The following ZIC4 variants were observed in gnomAD, a reference collection of about 807,000 sequenced individuals.
The protein encoded by ZIC4 is zinc finger protein ZIC 4.
ZIC4 carries 15 observed loss-of-function variants against 28.8 expected under a neutral mutation model. The ratio of observed to expected loss-of-function variants is 0.52; its 90% CI spans 0.35 to 0.80. The LOEUF (loss-of-function observed/expected upper bound fraction) is 0.80. Among genes scored for constraint, ZIC4 ranks in the 30% least tolerant of loss-of-function variants. The pLI, the probability that ZIC4 is intolerant of heterozygous loss-of-function variation, is 0.01. For synonymous variants in ZIC4, 220 were observed against 198.1 expected (o/e 1.11, Z -0.93); for missense variants, 512 against 467.1 (o/e 1.10, Z -0.89).
Position 147,388,499 on chromosome 3 carries a change from A to T in ZIC4, c.*360T>A. 1 of 301,574 alleles carries T rather than the reference A, an allele frequency of 3.3e-6. No homozygotes were observed. Among genetic ancestry groups the T allele is most frequent in the Non-Finnish European group, 6.0e-6 (1 of 165,556 alleles). 18.7% of individuals were successfully genotyped at this position (301,574 alleles called of 1,614,324 possible). On this transcript the variant is annotated 3_prime_UTR_variant, in exon 5 of 5. Transcript: ENST00000383075. ...AGCGGCTCTTTTCTTCCTTCACATTATTATCCATTTTTATTATGATCGGGT... is the reference window on the plus strand; with the variant it reads ...AGCGGCTCTTTTCTTCCTTCACATTTTTATCCATTTTTATTATGATCGGGT...
chr3:147,396,132 G>T lies in ZIC4; in HGVS notation c.408C>A (p.Asp136Glu). The stretch of plus-strand genomic sequence containing the variant: ...AGCAGAGGCTCGGGGTCGCGGTGCC[G>T]TCGGCCGCCAGCCACTTGCAGATGA... ...QELICKWLAA[D>E]GTATPSLCSK... Residue 136 changes from aspartate to glutamate, a missense_variant, in exon 3 of 5, where the codon GAC (aspartate) becomes GAA (glutamate). This residue lies in a region of ZIC4 where 310 missense variants were observed against 256.5 expected (regional missense o/e 1.21). Transcript: ENST00000383075. This position sits in a 1 kb window ranked among gnomAD's most constrained non-coding sequence, Gnocchi z 4.2. 2 of 1,613,024 alleles carry T rather than the reference G, an allele frequency of 1.2e-6. No individual in the cohort carries two copies. Among genetic ancestry groups the T allele is most frequent in the South Asian group, 1.1e-5 (1 of 91,086 alleles).
At chr3:147,404,277 C>A in intron 1 of ZIC4, 1 of 1,425,996 alleles carries the variant, frequency 7.0e-7, no homozygotes, top group Non-Finnish European at 9.1e-7. Context: ...AGGTCTGGAT[C>A]ACTTCTCTCC....
chr3:147,403,863 C>CT (rs1559966019), intron 1 of ZIC4: 229 of 1,155,378 alleles, frequency 2.0e-4, no homozygotes, highest in Non-Finnish European at 2.6e-4. Context: ...TCTCTCTCCC[C>CT]CTCAACGTCC....
rs1197114111 is a variant in ZIC4 at position 147,404,583 on chromosome 3, C to G, written c.-15-1771G>C. Reference sequence around the variant, plus strand: ...ATGTAGAAACTCAGTTTCGTTTTCCCCAAATGCTTGCTCCCCACATCAACC... The same window carrying G: ...ATGTAGAAACTCAGTTTCGTTTTCCGCAAATGCTTGCTCCCCACATCAACC... On this transcript the variant is annotated intron_variant, in intron 1 of 4. Transcript: ENST00000383075. Among the ~76,000 whole-genome samples the G allele has an allele frequency of 5.9e-5, 9 of 152,284 alleles. No individual in the cohort carries two copies. The East Asian group carries it at 1.7e-3, about 29-fold the overall frequency.
intron 1 of ZIC4, chr3:147,405,885 C>G (rs369810182): frequency 1.8e-5 from 4 of 219,112 alleles, no homozygotes; most frequent in Admixed American, 1.0e-4. Context: ...CTAGCCACCC[C>G]CTTGGGGGCA....
chr3:147,399,552 C>T (rs1471387127), intron 2 of ZIC4, among the ~76,000 whole-genome samples: 1 of 152,006 alleles, frequency 6.6e-6, no homozygotes, highest in African/African-American at 2.4e-5. Context: ...TGCAATATTT[C>T]GGCAATTAAA....
chr3:147,391,372 C>T, intron 3 of ZIC4, 126 bp from the exon 4 acceptor site: 3 of 1,280,406 alleles, frequency 2.3e-6, no homozygotes, highest in Non-Finnish European at 3.2e-6. Context: ...AAATCCCTTT[C>T]CACGGCGCCT....
At chr3:147,399,917 C>T (rs1038536612) in intron 2 of ZIC4, among the ~76,000 whole-genome samples, 8 of 152,142 alleles carry the variant, frequency 5.3e-5, no homozygotes, top group African/African-American at 1.4e-4. Context: ...CTGCCCACTT[C>T]GGCCTCCCAC....
rs1328542094 is a variant in ZIC4 at position 147,388,776 on chromosome 3, C to T, written c.*83G>A. On this transcript the variant is annotated 3_prime_UTR_variant, in exon 5 of 5. Coordinates refer to ENST00000383075, the MANE Select transcript of ZIC4 (RefSeq NM_032153.6). ...TGGCGAAGAAACACTGCTTTGTGCG[C>T]GGGCCCTTTGATGTAGCAGGCGCGA... 6.6e-6 allele frequency: 5 copies of T among 754,198 alleles called. No individual in the cohort carries two copies. Among genetic ancestry groups the T allele is most frequent in the Non-Finnish European group, 1.2e-5 (5 of 408,870 alleles). 46.7% of individuals were successfully genotyped at this position (754,198 alleles called of 1,614,324 possible).
chr3:147,402,859 A>C (rs776764279), intron 1 of ZIC4, 47 bp from the exon 2 acceptor site: 5 of 1,516,952 alleles, frequency 3.3e-6, no homozygotes, highest in Non-Finnish European at 4.6e-6. Flanking sequence ...ACAATTTTAC[A>C]CGTCTGTGTG....
chr3:147,392,215 G>A, intron 3 of ZIC4: 2 of 985,642 alleles, frequency 2.0e-6, no homozygotes, highest in Non-Finnish European at 1.2e-6. Flanking sequence ...CCGCAACCAC[G>A]CCCTTGAGCG....
intron 3 of ZIC4, chr3:147,391,972 A>G (rs1208603989): frequency 2.0e-6 from 2 of 985,262 alleles, no homozygotes; most frequent in African/African-American, 1.7e-5. Context: ...AATCTTGCCT[A>G]AACCTTCCGG....
At chr3:147,405,740 G>C (rs2087264805) in intron 1 of ZIC4, 5 of 524,416 alleles carry the variant, frequency 9.5e-6, no homozygotes, top group Non-Finnish European at 1.7e-5. Flanking sequence ...ACCAGGGTGA[G>C]GGAGGGCAAG....
In ZIC4 at chr3:147,399,663, A is replaced by ATTTTT. The variant is rs34229132; in HGVS notation, c.70+3060_70+3064dup. Among the ~76,000 whole-genome samples the ATTTTT allele has an allele frequency of 5.1e-3, 652 of 127,988 alleles. 8 individuals are homozygous for ATTTTT. The highest frequency in any genetic ancestry group is 7.5e-3 in the Non-Finnish European group (452 of 60,532). The allele number at this position is 127,988 out of a possible 152,430, so 84.0% of individuals were successfully genotyped here. A position where few individuals can be genotyped will look rare whatever the true frequency, so the allele number is the denominator to read the frequency against. On this transcript the variant is annotated intron_variant, in intron 2 of 4. Transcript: ENST00000383075. Reference sequence around the variant, plus strand: ...AAGACTCTGATTTGCAAAAACACGGATTTTTTTTTTTTTTTTTTTTGAGAG... The same window carrying ATTTTT: ...AAGACTCTGATTTGCAAAAACACGGATTTTTTTTTTTTTTTTTTTTTTTTTGAGAG...
Position 147,396,053 on chromosome 3 carries a change from C to T in ZIC4, c.487G>A (p.Val163Ile), listed in dbSNP as rs373361660. The T allele has an allele frequency of 1.2e-6, 2 of 1,614,140 alleles. No individual in the cohort carries two copies. The highest frequency in any genetic ancestry group is 2.7e-5 in the African/African-American group (2 of 74,960). The stretch of plus-strand genomic sequence containing the variant: ...TGGTTGGCCTGTTCCGGGCCGCCGA[C>T]GTGCTCCACGGTGACGTGCGTGACC... ...ELVTHVTVEH[V>I]GGPEQANHIC... The change falls in exon 3 of 5, where the codon GTC (valine) becomes ATC (isoleucine). Residue 163 changes from valine (V) to isoleucine (I), a missense_variant. Physicochemically the swap from Val to Ile is conservative, Grantham distance 29. Coordinates refer to ENST00000383075, the MANE Select transcript of ZIC4 (RefSeq NM_032153.6). This position sits in a 1 kb window ranked among gnomAD's most constrained non-coding sequence, Gnocchi z 4.2.
intron 2 of ZIC4, among the ~76,000 whole-genome samples, chr3:147,401,152 C>T (rs2087158404): frequency 6.6e-6 from 1 of 152,186 alleles, no homozygotes; most frequent in African/African-American, 2.4e-5. Flanking sequence ...ATGCCCTAAG[C>T]ACTTTTGCTC....
chr3:147,389,044 G>A (rs2086852109), intron 4 of ZIC4, 185 bp from the exon 5 acceptor site: 2 of 618,450 alleles, frequency 3.2e-6, no homozygotes, highest in East Asian at 2.8e-5. Flanking sequence ...TTCCGCAAAT[G>A]CCCTCTGCAC....
intron 3 of ZIC4, chr3:147,392,367 G>A (rs963745833): frequency 3.0e-6 from 3 of 985,402 alleles, no homozygotes; most frequent in Non-Finnish European, 3.6e-6. Flanking sequence ...GGGAAGGCGC[G>A]AGTGCACGTT....
intron 3 of ZIC4, chr3:147,391,695 C>G (rs1027295596): frequency 6.3e-6 from 1 of 157,502 alleles, no homozygotes; most frequent in Non-Finnish European, 1.4e-5. Context: ...ACTTCTCTGC[C>G]GCTACCCCGC....
Sources: allele counts gnomAD v4.1 joint callset (sites outside exome capture counted in the v4.1 genomes callset), GRCh38; gene constraint gnomAD v4.1.1; regional missense constraint gnomAD v4.1.1; non-coding constraint Gnocchi (gnomAD v3.1); transcripts MANE v1.5; gene names NCBI Gene and HGNC (gene_info 2026-07-23, HGNC 2026-07-21).